HTR4: variants seen among roughly 807,000 people sequenced by gnomAD.
HTR4 encodes 5-hydroxytryptamine receptor 4, also known as 5-hydroxytryptamine (serotonin) receptor 4, G protein-coupled.
In HTR4, 16 loss-of-function variants were observed where a neutral mutation model predicts 36.8. The observed-to-expected ratio is 0.43, with a 90% CI of 0.29 to 0.66. The LOEUF is 0.66. Among genes scored for constraint, HTR4 ranks in the 30% least tolerant of loss-of-function variants. HTR4 has a pLI of 0.13. For missense variants in HTR4, 438 were observed against 490.9 expected, an observed-to-expected ratio of 0.89 and a Z score of 1.02; for synonymous variants, 189 against 185.1, an observed-to-expected ratio of 1.02 and a Z score of -0.17.
intron 6 of HTR4, among the ~76,000 whole-genome samples, chr5:148,506,813 AC>A (rs1757238900): frequency 6.6e-6 from 1 of 152,234 alleles, no homozygotes; most frequent in African/African-American, 2.4e-5. Flanking sequence ...GCAAATCAAA[AC>A]CACAATGAGA....
chr5:148,579,377 CG>C (rs1761050092), intron 2 of HTR4, among the ~76,000 whole-genome samples: 1 of 151,968 alleles, frequency 6.6e-6, no homozygotes, highest in African/African-American at 2.4e-5. Context: ...TTTGGATTTG[CG>C]TAATTCCCTA....
At chr5:148,645,361 T>C (rs1037825276) in intron 1 of HTR4, 4 of 152,214 alleles carry the variant, frequency 2.6e-5, no homozygotes, top group African/African-American at 9.6e-5. Context: ...TAAAACTAAA[T>C]ACATGGACAT....
chr5:148,556,045 A>G (rs1759936504), intron 2 of HTR4, among the ~76,000 whole-genome samples: 1 of 152,052 alleles, frequency 6.6e-6, no homozygotes, highest in African/African-American at 2.4e-5. Context: ...TATTTTTGAG[A>G]CAGAGTCTTG....
downstream of HTR4, among the ~76,000 whole-genome samples, chr5:148,473,171 C>T (rs1243324369): frequency 4.0e-5 from 6 of 151,736 alleles, no homozygotes; most frequent in Non-Finnish European, 5.9e-5. Flanking sequence ...TGGTTGTGGG[C>T]GCCTGTAGTC....
chr5:148,641,813 A>G (rs1753738454), intron 1 of HTR4, among the ~76,000 whole-genome samples: 2 of 152,290 alleles, frequency 1.3e-5, no homozygotes, highest in South Asian at 2.1e-4. Flanking sequence ...CTCGTTTCTG[A>G]TTCAGAATTA....
chr5:148,545,186 AGATCCC>A (rs1157263341), intron 4 of HTR4, among the ~76,000 whole-genome samples: 1 of 152,246 alleles, frequency 6.6e-6, no homozygotes, highest in Non-Finnish European at 1.5e-5. Flanking sequence ...GCTGGAGGCA[AGATCCC>A]CAAGCTCCCC....
chr5:148,653,594 GTCTC>G (rs984543721), intron 1 of HTR4, among the ~76,000 whole-genome samples: 5 of 138,048 alleles, frequency 3.6e-5, no homozygotes, highest in Admixed American at 1.5e-4. Context: ...ACACTATCTT[GTCTC>G]TCTCTCTCTA....
chr5:148,463,600 C>A (rs572400168), intron 5 of HTR4, among the ~76,000 whole-genome samples: 1 of 152,006 alleles, frequency 6.6e-6, no homozygotes, highest in African/African-American at 2.4e-5. Context: ...AGATATATTC[C>A]ATGCTCATGG....
intron 4 of HTR4, among the ~76,000 whole-genome samples, chr5:148,534,920 C>T (rs1758740507): frequency 6.6e-6 from 1 of 152,082 alleles, no homozygotes; most frequent in Admixed American, 6.5e-5. Flanking sequence ...GAGCTACAGT[C>T]AGCAGCCCAG....
At chr5:148,625,538 TGAG>T (rs1424704034) in intron 2 of HTR4, among the ~76,000 whole-genome samples, 1 of 152,176 alleles carries the variant, frequency 6.6e-6, no homozygotes, top group Non-Finnish European at 1.5e-5. Flanking sequence ...GCAAACAAAA[TGAG>T]GTTCTTAGAA....
intron 5 of HTR4, among the ~76,000 whole-genome samples, chr5:148,471,377 C>A (rs1428745750): frequency 6.6e-6 from 1 of 152,178 alleles, no homozygotes; most frequent in Non-Finnish European, 1.5e-5. Flanking sequence ...TCAATCATTC[C>A]CCAATATCTC....
chr5:148,497,883 G>A (rs1000642130), intron 6 of HTR4, among the ~76,000 whole-genome samples: 1 of 152,204 alleles, frequency 6.6e-6, no homozygotes, highest in Non-Finnish European at 1.5e-5. Context: ...ATGTTTAGAA[G>A]CTATATTTAG....
intron 1 of HTR4, chr5:148,645,274 A>G (rs968446289): frequency 9.9e-5 from 15 of 152,224 alleles, no homozygotes; most frequent in African/African-American, 3.6e-4. Context: ...GGTCACTGTC[A>G]CAACTACTCA....
intron 4 of HTR4, among the ~76,000 whole-genome samples, chr5:148,525,762 G>A (rs773948497): frequency 1.3e-5 from 2 of 152,118 alleles, no homozygotes; most frequent in African/African-American, 2.4e-5. Context: ...GGGTTGAATT[G>A]TGTCCTTCCT....
At chr5:148,589,235 T>C (rs1279553048) in intron 2 of HTR4, among the ~76,000 whole-genome samples, 1 of 152,234 alleles carries the variant, frequency 6.6e-6, no homozygotes, top group Non-Finnish European at 1.5e-5. Context: ...GTATTCATTT[T>C]AAGGTTCTTC....
chr5:148,578,505 T>C (rs1296586797), intron 2 of HTR4, among the ~76,000 whole-genome samples: 7 of 152,096 alleles, frequency 4.6e-5, no homozygotes, highest in Non-Finnish European at 1.0e-4. Context: ...ATACTTTCAA[T>C]GAACATCATG....
Position 148,654,408 on chromosome 5 carries a change from C to T in HTR4, c.-394G>A. ...CGCCCCCACTGGGCGCCAGGGACAG[C>T]GGGGGTGCCGCTCTGCCGGCAGGGC... is the stretch of plus-strand genomic sequence containing the variant. On this transcript the variant is annotated 5_prime_UTR_variant, in exon 1 of 7. Transcript: ENST00000377888. 1.0e-6 allele frequency: 1 copy of T among 985,490 alleles called. No homozygotes were observed. 61.0% of individuals were successfully genotyped at this position (985,490 alleles called of 1,614,324 possible). A position where few individuals can be genotyped will look rare whatever the true frequency, so the allele number is the denominator to read the frequency against.
intron 2 of HTR4, among the ~76,000 whole-genome samples, chr5:148,555,146 G>T (rs539147330): frequency 1.4e-3 from 208 of 152,208 alleles, no homozygotes; most frequent in African/African-American, 4.9e-3. Flanking sequence ...GGGGCAGGCT[G>T]GCCTGGCTGT....
intron 2 of HTR4, among the ~76,000 whole-genome samples, chr5:148,627,496 G>T (rs1753160752): frequency 6.6e-6 from 1 of 152,206 alleles, no homozygotes; most frequent in South Asian, 2.1e-4. Context: ...CAGTTACACT[G>T]TTGATAGAGA....
Sources: allele counts gnomAD v4.1 joint callset (sites outside exome capture counted in the v4.1 genomes callset), GRCh38; gene constraint gnomAD v4.1.1; transcripts MANE v1.5; gene names NCBI Gene and HGNC (gene_info 2026-07-23, HGNC 2026-07-21).